Variants in PCBP3 observed in about 807,000 individuals in gnomAD.
The protein encoded by PCBP3 is poly(rC) binding protein 3.
Under a neutral mutation model 52.7 loss-of-function variants are expected in PCBP3, and 25 were observed. The observed-to-expected ratio is 0.47, with a 90% confidence interval of 0.35 to 0.66. PCBP3 has a LOEUF of 0.66. PCBP3 is among the 30% of genes least tolerant of loss of function. The pLI is 0.01. For synonymous variants in PCBP3, 162 were observed against 183.0 expected, an observed-to-expected ratio of 0.89 and a Z score of 0.93; for missense variants, 391 against 490.3, an observed-to-expected ratio of 0.80 and a Z score of 1.91.
rs1003655109 is a variant in PCBP3 at position 45,817,447 on chromosome 21, T to C, written c.-125-32514T>C. On this transcript the variant is annotated intron_variant, in intron 4 of 17. Transcript: ENST00000681687. The surrounding 1 kb of genome is among the most constrained non-coding windows in gnomAD (Gnocchi z 4.3). The stretch of plus-strand genomic sequence containing the variant: ...CACAGCATAGTATTTGGCCAACATC[T>C]TCCTGCAGTTTGGGGGCCCCGTCTC... Among the ~76,000 whole-genome samples the C allele has an allele frequency of 2.0e-5, 3 of 152,222 alleles. No homozygotes were observed. Among genetic ancestry groups the C allele is most frequent in the South Asian group, 2.1e-4 (1 of 4,834 alleles).
chr21:45,699,977 TC>T (rs1284246623), intron 2 of PCBP3, among the ~76,000 whole-genome samples: 2 of 152,148 alleles, frequency 1.3e-5, no homozygotes, highest in East Asian at 1.9e-4. Context: ...TCCCAACAGT[TC>T]CCCAAAGTCT....
chr21:45,748,192 A>G (rs772934246), intron 3 of PCBP3: 1 of 152,484 alleles, frequency 6.6e-6, no homozygotes, highest in Admixed American at 6.6e-5. Flanking sequence ...CCATCCATTC[A>G]TTGGAGATGC....
intron 2 of PCBP3, among the ~76,000 whole-genome samples, chr21:45,699,569 G>T (rs1189829985): frequency 6.6e-6 from 1 of 152,156 alleles, no homozygotes; most frequent in Non-Finnish European, 1.5e-5. Context: ...TTCTCACACT[G>T]CTAATAAAAA....
At position 45,805,734 on chromosome 21, in the gene PCBP3, CT is replaced by C. The variant is rs2092473297; in HGVS notation, c.-125-44224del. On this transcript the variant is annotated intron_variant, in intron 4 of 17. Transcript: ENST00000681687. This position sits in a 1 kb window ranked among gnomAD's most constrained non-coding sequence, Gnocchi z 4.6. ...CCTGAGCTTGCAGGCATGCTCCTGT[CT>C]TTCTGTGGTGGTAAAGGTGACATCC... Among the ~76,000 whole-genome samples, 1 of 152,188 alleles carries C rather than the reference CT, an allele frequency of 6.6e-6. No individual in the cohort carries two copies. Among genetic ancestry groups the C allele is most frequent in the Non-Finnish European group, 1.5e-5 (1 of 68,032 alleles).
chr21:45,769,848 T>G (rs1206025697), intron 4 of PCBP3, among the ~76,000 whole-genome samples: 1 of 152,248 alleles, frequency 6.6e-6, no homozygotes, highest in South Asian at 2.1e-4. Flanking sequence ...AGAGAAAGCT[T>G]AACAGTACGG....
intron 2 of PCBP3, among the ~76,000 whole-genome samples, chr21:45,721,201 C>T (rs1180155888): frequency 6.6e-6 from 1 of 152,094 alleles, no homozygotes; most frequent in African/African-American, 2.4e-5. Context: ...TCACTTGAGG[C>T]CAGGAGTTTG....
Position 45,710,591 on chromosome 21 carries a change from C to T in PCBP3, c.-199-24801C>T, listed in dbSNP as rs556885621. ...ATGCTGCTATAACGACACATGCACA[C>T]GTATGTTTATTGCGGCACTATTCAC... On this transcript the variant is annotated intron_variant, in intron 2 of 17. Transcript: ENST00000681687. 1.8e-4 allele frequency among the ~76,000 whole-genome samples: 28 copies of T among 152,256 alleles called. No homozygotes were observed. In the East Asian group the frequency reaches 5.0e-3, roughly 27 times the overall value.
Position 45,716,165 on chromosome 21 carries a change from G to C in PCBP3, c.-199-19227G>C, listed in dbSNP as rs554838952. Among the ~76,000 whole-genome samples the C allele has an allele frequency of 3.3e-5, 5 of 152,184 alleles. No homozygotes were observed. In the East Asian group the frequency reaches 9.7e-4, roughly 29 times the overall value. On this transcript the variant is annotated intron_variant, in intron 2 of 17. Coordinates refer to ENST00000681687, the MANE Select transcript of PCBP3 (RefSeq NM_001384156.1). Reference sequence around the variant, plus strand: ...GTATATAGTATGAAATAGGGTTCCAGATTCATTCTTTAGCATGTGGATATT... The same window carrying C: ...GTATATAGTATGAAATAGGGTTCCACATTCATTCTTTAGCATGTGGATATT...
chr21:45,728,083 G>A lies in PCBP3; in HGVS notation c.-199-7309G>A, dbSNP rs142234688. Among the ~76,000 whole-genome samples the A allele has an allele frequency of 5.9e-5, 9 of 152,210 alleles. No individual in the cohort carries two copies. The East Asian group carries it at 1.5e-3, about 26-fold the overall frequency. On this transcript the variant is annotated intron_variant, in intron 2 of 17. Transcript: ENST00000681687. Reference sequence around the variant, plus strand: ...ATTAGATTAGTTCAGCTTTTGGTTGGGGTTGCACTGAATTGATAGATCACT... The same window carrying A: ...ATTAGATTAGTTCAGCTTTTGGTTGAGGTTGCACTGAATTGATAGATCACT...
At chr21:45,841,686 C>T (rs1037506016) in intron 4 of PCBP3, among the ~76,000 whole-genome samples, 4 of 152,124 alleles carry the variant, frequency 2.6e-5, no homozygotes, top group Non-Finnish European at 5.9e-5. Flanking sequence ...GGGATTTGAT[C>T]ATAATTCTTT....
At chr21:45,784,226 G>A (rs976620435) in intron 4 of PCBP3, among the ~76,000 whole-genome samples, 4 of 152,124 alleles carry the variant, frequency 2.6e-5, no homozygotes, top group African/African-American at 9.7e-5. Flanking sequence ...AATTTAAGGT[G>A]TTTTGATTGT....
chr21:45,840,456 CAAAAAA>C (rs36059363), intron 4 of PCBP3, among the ~76,000 whole-genome samples: 5 of 87,996 alleles, frequency 5.7e-5, no homozygotes, highest in Admixed American at 1.1e-4. Context: ...GACCCTGTCT[CAAAAAA>C]AAAAAAAAAA....
intron 4 of PCBP3, among the ~76,000 whole-genome samples, chr21:45,784,873 C>T (rs1007985254): frequency 3.3e-5 from 5 of 152,290 alleles, no homozygotes; most frequent in East Asian, 3.9e-4. Flanking sequence ...AGCCTCTGCC[C>T]GGCCGCCACC....
intron 4 of PCBP3, among the ~76,000 whole-genome samples, chr21:45,790,388 A>G (rs1370087860): frequency 6.6e-6 from 1 of 152,204 alleles, no homozygotes; most frequent in African/African-American, 2.4e-5. Flanking sequence ...CAGCACTTGC[A>G]TCGAGGGCAG....
chr21:45,906,746 T>G (rs1363575312), intron 9 of PCBP3, among the ~76,000 whole-genome samples: 2 of 152,270 alleles, frequency 1.3e-5, no homozygotes, highest in South Asian at 4.1e-4. Context: ...CTGATGTACA[T>G]TTAAGGTGCC....
intron 4 of PCBP3, among the ~76,000 whole-genome samples, chr21:45,794,496 C>T (rs980988032): frequency 4.6e-5 from 7 of 152,106 alleles, no homozygotes; most frequent in South Asian, 4.2e-4. Context: ...ATTTTCAGAA[C>T]GAAGAAAACC....
At chr21:45,902,284 CGT>C (rs2096076930) in intron 9 of PCBP3, among the ~76,000 whole-genome samples, 1 of 53,700 alleles carries the variant, frequency 1.9e-5, no homozygotes, top group Non-Finnish European at 3.5e-5. Flanking sequence ...GTTCCCCTAT[CGT>C]AGGTGGCCTG....
At chr21:45,648,730 A>T (rs553032234) in intron 1 of PCBP3, among the ~76,000 whole-genome samples, 33 of 152,308 alleles carry the variant, frequency 2.2e-4, no homozygotes, top group African/African-American at 7.5e-4. Context: ...TTTAATTAGC[A>T]TTTCCTTGGC....
intron 3 of PCBP3, chr21:45,752,743 T>C (rs2087640383): frequency 6.6e-6 from 1 of 152,074 alleles, no homozygotes; most frequent in African/African-American, 2.4e-5. Flanking sequence ...GTATTATAAA[T>C]GTCCTGTGTA....
Sources: gnomAD v4.1 joint callset for allele counts (sites outside exome capture counted in the v4.1 genomes callset) on GRCh38, gnomAD v4.1.1 for gene constraint, Gnocchi (gnomAD v3.1) non-coding constraint, MANE v1.5 for transcripts, NCBI Gene and HGNC (gene_info 2026-07-23, HGNC 2026-07-21) for gene names.